Variants in VWF observed in about 807,000 individuals in gnomAD.
The protein encoded by VWF is von Willebrand factor, also known as Factor VIII related antigen.
VWF carries 176 observed loss-of-function variants against 308.6 expected under a neutral mutation model. The observed-to-expected ratio is 0.57, with a 90% CI of 0.50 to 0.65. The LOEUF is 0.65. Among genes scored for constraint, VWF ranks in the 30% least tolerant of loss-of-function variants. The pLI is 0.00. For missense variants in VWF, 3,146 were observed against 3,648.2 expected (o/e 0.86, Z 3.55); for synonymous variants, 1,385 against 1,443.4 (o/e 0.96, Z 0.92).
intron 22 of VWF, among the ~76,000 whole-genome samples, chr12:6,027,158 T>C (rs930985324): frequency 2.0e-5 from 3 of 152,160 alleles, no homozygotes. Flanking sequence ...GTAGCCCCCA[T>C]GGTATGGCTA....
chr12:6,070,156 C>T (rs527880379), intron 10 of VWF, among the ~76,000 whole-genome samples: 4 of 152,334 alleles, frequency 2.6e-5, no homozygotes, highest in African/African-American at 9.6e-5. Context: ...GGTGTAATTA[C>T]GTTCAGTGGA....
At chr12:6,012,768 C>T (rs1164259931) in intron 32 of VWF, among the ~76,000 whole-genome samples, 2 of 150,674 alleles carry the variant, frequency 1.3e-5, no homozygotes, top group East Asian at 3.9e-4. Context: ...GTGGCGCGAT[C>T]TCGGCTCACT....
Position 5,967,471 on chromosome 12 carries a change from T to C in VWF, c.7887+15A>G, listed in dbSNP as rs778762511. 2.6e-5 allele frequency: 42 copies of C among 1,612,714 alleles called. No homozygotes were observed. Among genetic ancestry groups the C allele is most frequent in the South Asian group, 1.1e-4 (10 of 91,062 alleles). On this transcript the variant is annotated intron_variant, in intron 47 of 51. Coordinates refer to ENST00000261405, the MANE Select transcript of VWF (RefSeq NM_000552.5). Reference sequence around the variant, plus strand: ...GTCCAGTCCATGCCCTCGGTCCCCATTGAGCCTCTCTTACCAGGGGGCAGG... The same window carrying C: ...GTCCAGTCCATGCCCTCGGTCCCCACTGAGCCTCTCTTACCAGGGGGCAGG...
At chr12:6,098,084 C>T (rs1185398197) in intron 5 of VWF, among the ~76,000 whole-genome samples, 1 of 152,138 alleles carries the variant, frequency 6.6e-6, no homozygotes, top group Non-Finnish European at 1.5e-5. Flanking sequence ...ATACACTGTC[C>T]AAGAGATGGA....
chr12:6,118,629 C>T (rs1380784436), intron 3 of VWF, among the ~76,000 whole-genome samples: 11 of 151,998 alleles, frequency 7.2e-5, no homozygotes, highest in Middle Eastern at 3.4e-3. Context: ...TCAGGTGATC[C>T]GCCCCCCTCG....
At position 5,976,622 on chromosome 12, in the gene VWF, A is replaced by C. The variant is rs976306123; in HGVS notation, c.7288-362T>G. Among the ~76,000 whole-genome samples, 3 of 151,758 alleles carry C rather than the reference A, an allele frequency of 2.0e-5. No homozygotes were observed. The South Asian group carries it at 6.2e-4, about 32-fold the overall frequency. ...CTGTACCCACATGCCCAGACCCAGT[A>C]ATGTCCTTGGACTTGGAGCCCATCC... On this transcript the variant is annotated intron_variant, in intron 42 of 51. Transcript: ENST00000261405.
intron 34 of VWF, among the ~76,000 whole-genome samples, chr12:6,009,649 A>G (rs1302195007): frequency 1.3e-5 from 2 of 152,246 alleles, no homozygotes; most frequent in African/African-American, 2.4e-5. Flanking sequence ...CATTGAAATC[A>G]GGATCTCAAA....
At position 6,019,812 on chromosome 12, in the gene VWF, G is replaced by A; in HGVS notation, c.3675-69C>T. The A allele has an allele frequency of 1.5e-5, 22 of 1,508,380 alleles. No homozygotes were observed. Among genetic ancestry groups the A allele is most frequent in the Non-Finnish European group, 2.0e-5 (22 of 1,114,670 alleles). 93.4% of individuals were successfully genotyped at this position (1,508,380 alleles called of 1,614,324 possible). On this transcript the variant is annotated intron_variant, in intron 27 of 51. Transcript: ENST00000261405. This position sits in a 1 kb window ranked among gnomAD's most constrained non-coding sequence, Gnocchi z 5.8. ...TGTGGACACTTCTGAGCCCTACAGT[G>A]TACAATGACTTCCATATTCCCACAG...
rs535620419 is a variant in VWF, at chr12:6,017,510, T to C, written c.5054-640A>G. 6.6e-4 allele frequency among the ~76,000 whole-genome samples: 101 copies of C among 152,344 alleles called. 1 individual carries two copies. In the South Asian group the frequency reaches 0.021, roughly 31 times the overall value. On this transcript the variant is annotated intron_variant, in intron 28 of 51. Coordinates refer to ENST00000261405, the MANE Select transcript of VWF (RefSeq NM_000552.5). The stretch of plus-strand genomic sequence containing the variant: ...GACTCAAAAGATACTAAAAGAAGGC[T>C]TATTATTCTGGGATGGTCCCAAACA...
At chr12:5,959,369 CTT>C (rs1943285657) in intron 47 of VWF, among the ~76,000 whole-genome samples, 1 of 152,126 alleles carries the variant, frequency 6.6e-6, no homozygotes, top group Non-Finnish European at 1.5e-5. Flanking sequence ...AATCCACAAT[CTT>C]AGTCAGTGAT....
chr12:6,091,927 C>G (rs1945039313), intron 6 of VWF, among the ~76,000 whole-genome samples: 1 of 152,144 alleles, frequency 6.6e-6, no homozygotes, highest in Non-Finnish European at 1.5e-5. Context: ...CTTGTTTTCT[C>G]ATGGGATGAA....
At chr12:6,079,333 G>A (rs903322131) in intron 6 of VWF, among the ~76,000 whole-genome samples, 6 of 152,198 alleles carry the variant, frequency 3.9e-5, no homozygotes, top group African/African-American at 1.2e-4. Flanking sequence ...AGGGCCAGGC[G>A]CGGTGGCTCA....
intron 34 of VWF, among the ~76,000 whole-genome samples, chr12:6,008,669 G>C (rs1178164876): frequency 6.6e-6 from 1 of 152,128 alleles, no homozygotes; most frequent in Non-Finnish European, 1.5e-5. Context: ...GTCTTAGCTA[G>C]AGCAATGAAT....
intron 35 of VWF, among the ~76,000 whole-genome samples, chr12:5,995,457 C>CATT (rs533886976): frequency 3.0e-3 from 459 of 152,248 alleles, no homozygotes; most frequent in Non-Finnish European, 5.6e-3. Flanking sequence ...GTTGTTTTCA[C>CATT]ACAATGAAAT....
intron 49 of VWF, 57 bp downstream of exon 49, chr12:5,952,334 A>C (rs1943200970): frequency 1.9e-6 from 3 of 1,611,042 alleles, no homozygotes; most frequent in Non-Finnish European, 2.5e-6. Context: ...CACTATTCAG[A>C]AGAATCTTGT....
Position 5,991,702 on chromosome 12 carries a change from C to T in VWF, c.6798+117G>A. 8 of 1,089,930 alleles carry T rather than the reference C, an allele frequency of 7.3e-6. No individual in the cohort carries two copies. In the Admixed American group the frequency reaches 1.2e-4, roughly 17 times the overall value. 67.5% of individuals were successfully genotyped at this position (1,089,930 alleles called of 1,614,324 possible). On this transcript the variant is annotated intron_variant, in intron 38 of 51. Transcript: ENST00000261405. ...TACTGCCTCCCTATCCCTAATGATCCCCGTAAGAGTCAACCCTGCTGCCAC... is the reference window on the plus strand; with the variant it reads ...TACTGCCTCCCTATCCCTAATGATCTCCGTAAGAGTCAACCCTGCTGCCAC...
At position 6,034,775 on chromosome 12, in the gene VWF, C is replaced by A. The variant is rs756662315; in HGVS notation, c.2598G>T (p.Thr866=). The change falls in exon 20 of 52, where the codon ACG becomes ACT. Residue 866 remains threonine (T), a synonymous_variant. Coordinates refer to ENST00000261405, the MANE Select transcript of VWF (RefSeq NM_000552.5). ...WNCTDHVCDA[T]CSTIGMAHYL... ...AGTGGGCCATGCCGATCGTGGAGCA[C>A]GTGGCATCACACACATGGTCTGTGC... The A allele has an allele frequency of 6.2e-7, 1 of 1,614,232 alleles. No individual in the cohort carries two copies.
intron 38 of VWF, among the ~76,000 whole-genome samples, chr12:5,989,007 G>T (rs573278399): frequency 7.8e-4 from 119 of 152,286 alleles, no homozygotes; most frequent in Non-Finnish European, 1.3e-3. Flanking sequence ...TGTGATGGGG[G>T]ATGCAAATGA....
intron 5 of VWF, chr12:6,095,979 T>G: frequency 3.0e-6 from 1 of 329,894 alleles, no homozygotes; most frequent in South Asian, 2.6e-5. Flanking sequence ...GCTCTAGGTC[T>G]GTTTTTACCT....
Sources: allele counts gnomAD v4.1 joint callset (sites outside exome capture counted in the v4.1 genomes callset), GRCh38; gene constraint gnomAD v4.1.1; non-coding constraint Gnocchi (gnomAD v3.1); transcripts MANE v1.5; gene names NCBI Gene and HGNC (gene_info 2026-07-23, HGNC 2026-07-21).